NLRP5: variants seen among roughly 807,000 people sequenced by gnomAD.
NLRP5 encodes NACHT, LRR and PYD domains-containing protein 5.
NLRP5 carries 93 observed loss-of-function variants against 113.1 expected under a neutral mutation model. That is an observed-to-expected ratio of 0.82 (90% CI 0.70 to 0.98). The LOEUF is 0.98. Among genes scored for constraint, NLRP5 ranks in the 50% least tolerant of loss-of-function variants. The pLI is 0.00. For synonymous variants in NLRP5, 751 were observed against 600.7 expected, an observed-to-expected ratio of 1.25 and a Z score of -3.66; for missense variants, 1,808 against 1,514.3, an observed-to-expected ratio of 1.19 and a Z score of -3.22.
Position 56,033,415 on chromosome 19 carries a change from G to A in NLRP5, c.2448-127G>A, listed in dbSNP as rs147084671. On this transcript the variant is annotated intron_variant, in intron 8 of 14. Transcript: ENST00000390649. ...GCCCATCACAGGCACTCAGGTATTC[G>A]TTGTTTTAAAAGGAAATACAATTAA... The A allele has an allele frequency of 2.2e-4, 161 of 741,850 alleles. No individual in the cohort carries two copies. The African/African-American group carries it at 2.6e-3, about 12-fold the overall frequency. The allele number at this position is 741,850 out of a possible 1,614,324, so 46.0% of individuals were successfully genotyped here. A position where few individuals can be genotyped will look rare whatever the true frequency, so the allele number is the denominator to read the frequency against.
At chr19:56,016,247 G>A (rs573742620) in intron 4 of NLRP5, among the ~76,000 whole-genome samples, 12 of 151,986 alleles carry the variant, frequency 7.9e-5, no homozygotes, top group East Asian at 7.7e-4. Context: ...TCCGCCTCCC[G>A]GGTTCAAGCG....
intron 2 of NLRP5, 71 bp from the exon 3 acceptor site, chr19:56,008,717 A>T: frequency 7.3e-7 from 1 of 1,364,122 alleles, no homozygotes. Flanking sequence ...GACACGGGAC[A>T]TTCTTATCCT....
intron 2 of NLRP5, among the ~76,000 whole-genome samples, chr19:56,005,154 C>T (rs1363401144): frequency 7.0e-6 from 1 of 142,962 alleles, no homozygotes; most frequent in Non-Finnish European, 1.5e-5. Context: ...TATATACACA[C>T]ACATATACAC....
chr19:56,047,968 A>G (rs7251102), intron 11 of NLRP5, among the ~76,000 whole-genome samples: 15,253 of 152,244 alleles, frequency 0.1, 809 homozygotes, highest in South Asian at 0.14. Context: ...TTATATAATT[A>G]TATAATGTCC....
chr19:56,002,418 GGTTATTA>G (rs1286136712), intron 1 of NLRP5, among the ~76,000 whole-genome samples: 1 of 151,174 alleles, frequency 6.6e-6, no homozygotes, highest in African/African-American at 2.4e-5. Context: ...CCCTGTAACT[GGTTATTA>G]GTAACTGGTA....
intron 9 of NLRP5, among the ~76,000 whole-genome samples, chr19:56,036,080 T>TTTTTTTTTTTTTTTTTTTTTTA (rs1983303275): frequency 7.0e-6 from 1 of 143,846 alleles, no homozygotes; most frequent in African/African-American, 2.7e-5. Flanking sequence ...TTTTTTTTTT[T>TTTTTTTTTTTTTTTTTTTTTTA]GGAGACAGAG....
chr19:56,046,829 G>GC (rs1983747004), intron 11 of NLRP5, among the ~76,000 whole-genome samples: 1 of 152,228 alleles, frequency 6.6e-6, no homozygotes, highest in African/African-American at 2.4e-5. Context: ...ATCGCGCCCA[G>GC]CCACCACTTC....
At chr19:55,999,931 A>C (rs1348416533) in intron 1 of NLRP5, 18 of 672,840 alleles carry the variant, frequency 2.7e-5, no homozygotes, top group Non-Finnish European at 4.3e-5. Context: ...CCGGGGTAGA[A>C]AGAAAGTGAA....
intron 6 of NLRP5, among the ~76,000 whole-genome samples, chr19:56,024,029 A>T (rs1442226083): frequency 6.6e-6 from 1 of 152,150 alleles, no homozygotes; most frequent in Admixed American, 6.6e-5. Context: ...AGGCAAAAAG[A>T]CAAGGTATTT....
intron 6 of NLRP5, among the ~76,000 whole-genome samples, chr19:56,024,439 ATATATT>A (rs770174109): frequency 3.6e-4 from 53 of 145,528 alleles, no homozygotes; most frequent in Non-Finnish European, 6.1e-4. Context: ...ACACATATAC[ATATATT>A]TATATATACG....
rs200093654 is a variant in NLRP5, at chr19:56,028,200, C to A, written c.1967C>A (p.Pro656His). The A allele has an allele frequency of 2.7e-4, 438 of 1,613,802 alleles. No homozygotes were observed. Among genetic ancestry groups the A allele is most frequent in the Non-Finnish European group, 3.5e-4 (409 of 1,179,906 alleles). The change falls in exon 7 of 15, where the codon CCC (proline) becomes CAC (histidine). Residue 656 changes from proline to histidine, a missense_variant. By Grantham distance (77) the Pro-to-His change is moderately conservative. Transcript: ENST00000390649. Reference sequence around the variant, plus strand: ...CCACTGGAGGTCCTGCTGGGCTGTCCCGTTCCCCTGGGGGTGAAGCAGAAG... The same window carrying A: ...CCACTGGAGGTCCTGCTGGGCTGTCACGTTCCCCTGGGGGTGAAGCAGAAG...
At chr19:56,022,565 C>T (rs563597270) in intron 6 of NLRP5, among the ~76,000 whole-genome samples, 20 of 152,112 alleles carry the variant, frequency 1.3e-4, no homozygotes, top group East Asian at 1.2e-3. Context: ...TACCATATAC[C>T]GGATTGATGG....
At chr19:56,006,334 T>A (rs1599878189) in intron 2 of NLRP5, among the ~76,000 whole-genome samples, 1 of 151,660 alleles carries the variant, frequency 6.6e-6, no homozygotes, top group South Asian at 2.1e-4. Context: ...AAATAACGAG[T>A]TAATGGGTGC....
At position 56,028,210 on chromosome 19, in the gene NLRP5, G is replaced by A. The variant is rs373790777; in HGVS notation, c.1977G>A (p.Leu659=). 6 of 1,613,750 alleles carry A rather than the reference G, an allele frequency of 3.7e-6. No individual in the cohort carries two copies. Among genetic ancestry groups the A allele is most frequent in the Non-Finnish European group, 5.1e-6 (6 of 1,179,888 alleles). ...TCCTGCTGGGCTGTCCCGTTCCCCT[G>A]GGGGTGAAGCAGAAGCTTCTGCACT... Residue 659 remains leucine (L), a synonymous_variant, in exon 7 of 15, where the codon CTG becomes CTA. Transcript: ENST00000390649.
intron 10 of NLRP5, among the ~76,000 whole-genome samples, chr19:56,040,427 A>G (rs912833169): frequency 6.6e-6 from 1 of 151,948 alleles, no homozygotes; most frequent in Non-Finnish European, 1.5e-5. Context: ...AATTAGTCAA[A>G]CATGGTGGTG....
chr19:56,034,946 T>G (rs1339616657), intron 9 of NLRP5, among the ~76,000 whole-genome samples: 1 of 152,170 alleles, frequency 6.6e-6, no homozygotes, highest in Non-Finnish European at 1.5e-5. Flanking sequence ...TTATATAGTT[T>G]TCTTTTCTTT....
chr19:56,009,686 C>T (rs1444122198), intron 3 of NLRP5, among the ~76,000 whole-genome samples: 1 of 152,148 alleles, frequency 6.6e-6, no homozygotes, highest in Non-Finnish European at 1.5e-5. Flanking sequence ...GGGAGAAAGG[C>T]AGGCTGCATA....
At chr19:56,007,686 A>G (rs1981977860) in intron 2 of NLRP5, among the ~76,000 whole-genome samples, 2 of 151,282 alleles carry the variant, frequency 1.3e-5, no homozygotes, top group African/African-American at 4.9e-5. Flanking sequence ...AGAAATCATC[A>G]AACTTTCCTT....
At chr19:56,043,720 C>A (rs577535789) in intron 11 of NLRP5, among the ~76,000 whole-genome samples, 10 of 151,408 alleles carry the variant, frequency 6.6e-5, no homozygotes, top group African/African-American at 2.4e-4. Flanking sequence ...CTACAGGCGC[C>A]CACCACCACA....
Sources: allele counts gnomAD v4.1 joint callset (sites outside exome capture counted in the v4.1 genomes callset), GRCh38; gene constraint gnomAD v4.1.1; transcripts MANE v1.5; gene names NCBI Gene and HGNC (gene_info 2026-07-23, HGNC 2026-07-21).